Variants in RHOBTB3 observed in about 807,000 individuals in gnomAD.
The protein encoded by RHOBTB3 is rho-related BTB domain-containing protein 3.
Under a neutral mutation model 67.2 loss-of-function variants are expected in RHOBTB3, and 47 were observed. That is an observed-to-expected ratio of 0.70 (90% CI 0.55 to 0.89). The LOEUF is 0.89. RHOBTB3 is among the 40% of genes least tolerant of loss of function. RHOBTB3 has a pLI of 0.00. For synonymous variants in RHOBTB3, 273 were observed against 274.2 expected, an observed-to-expected ratio of 1.00 and a Z score of 0.04; for missense variants, 631 against 750.0, an observed-to-expected ratio of 0.84 and a Z score of 1.85.
intron 6 of RHOBTB3, among the ~76,000 whole-genome samples, chr5:95,762,203 C>T (rs561561575): frequency 2.6e-5 from 4 of 152,298 alleles, no homozygotes; most frequent in Admixed American, 1.3e-4. Flanking sequence ...CTCCCTCCCC[C>T]AGGAGACACT....
chr5:95,722,763 G>A (rs78120789), intron 1 of RHOBTB3, among the ~76,000 whole-genome samples: 2 of 152,168 alleles, frequency 1.3e-5, no homozygotes, highest in Non-Finnish European at 2.9e-5. Context: ...GATTATAGGC[G>A]TGAGCCACTG....
rs1745220382 is a variant in RHOBTB3, at chr5:95,755,585, C to G, written c.872C>G (p.Thr291Ser). ...FMLLFNVKSP[T>S]DIQDSSIIRT... Reference sequence around the variant, plus strand: ...CTGCTTTTCAATGTGAAGAGTCCCACTGACATTCAGGATTCCAGTATCATC... The same window carrying G: ...CTGCTTTTCAATGTGAAGAGTCCCAGTGACATTCAGGATTCCAGTATCATC... Residue 291 changes from threonine to serine, a missense_variant, in exon 6 of 12, where the codon ACT becomes AGT. Thr to Ser is a moderately conservative substitution (Grantham distance 58, BLOSUM62 1). Transcript: ENST00000379982. The G allele has an allele frequency of 6.2e-7, 1 of 1,613,952 alleles. No individual in the cohort carries two copies. Among genetic ancestry groups the G allele is most frequent in the Non-Finnish European group, 8.5e-7 (1 of 1,179,956 alleles).
chr5:95,752,746 T>A (rs1745125731), intron 5 of RHOBTB3, among the ~76,000 whole-genome samples: 1 of 152,196 alleles, frequency 6.6e-6, no homozygotes, highest in Non-Finnish European at 1.5e-5. Flanking sequence ...GACTGGAAAT[T>A]AGATTATATC....
intron 8 of RHOBTB3, among the ~76,000 whole-genome samples, chr5:95,771,986 C>T (rs1312715329): frequency 3.3e-5 from 5 of 152,026 alleles, no homozygotes; most frequent in Non-Finnish European, 7.4e-5. Flanking sequence ...TTATGGAGAT[C>T]GAATCAGTTT....
At chr5:95,754,741 C>T (rs1745193516) in intron 5 of RHOBTB3, among the ~76,000 whole-genome samples, 2 of 152,122 alleles carry the variant, frequency 1.3e-5, no homozygotes, top group African/African-American at 4.8e-5. Flanking sequence ...AATTAGGGAG[C>T]TGAGTTAGCA....
At chr5:95,719,579 C>T in intron 1 of RHOBTB3, 1 of 152,194 alleles carries the variant, frequency 6.6e-6, no homozygotes, top group East Asian at 1.9e-4. Context: ...GTTTTTACAT[C>T]ACTACTTGAT....
At chr5:95,724,948 G>T (rs1755008752) in intron 1 of RHOBTB3, among the ~76,000 whole-genome samples, 1 of 152,042 alleles carries the variant, frequency 6.6e-6, no homozygotes, top group Non-Finnish European at 1.5e-5. Context: ...AGCTACTTGG[G>T]AGGCTGAGGT....
At position 95,783,743 on chromosome 5, in the gene RHOBTB3, C is replaced by G. The variant is rs1746136782; in HGVS notation, c.1457-54C>G. On this transcript the variant is annotated intron_variant, in intron 9 of 11. Transcript: ENST00000379982. The stretch of plus-strand genomic sequence containing the variant: ...TTTTGTTGGTGGGGGGTGTTTAGAT[C>G]ATTAAAGAAATGGTTTCATCATCCA... 18 of 1,495,568 alleles carry G rather than the reference C, an allele frequency of 1.2e-5. No homozygotes were observed. In the South Asian group the frequency reaches 2.1e-4, roughly 17 times the overall value. The allele number at this position is 1,495,568 out of a possible 1,614,324, so 92.6% of individuals were successfully genotyped here. A position where few individuals can be genotyped will look rare whatever the true frequency, so the allele number is the denominator to read the frequency against.
At chr5:95,779,214 GGAGA>G (rs1440237010) in intron 8 of RHOBTB3, among the ~76,000 whole-genome samples, 2 of 152,196 alleles carry the variant, frequency 1.3e-5, no homozygotes, top group African/African-American at 4.8e-5. Flanking sequence ...TGGTTTGGTT[GGAGA>G]GTTACTTCCT....
chr5:95,774,282 A>G (rs1745805562), intron 8 of RHOBTB3, among the ~76,000 whole-genome samples: 1 of 152,236 alleles, frequency 6.6e-6, no homozygotes, highest in Non-Finnish European at 1.5e-5. Context: ...CTATGCCCTA[A>G]TAACAATCAC....
At chr5:95,768,881 C>T (rs1179474203) in intron 8 of RHOBTB3, 1 of 158,912 alleles carries the variant, frequency 6.3e-6, no homozygotes, top group East Asian at 1.9e-4. Flanking sequence ...AAGGTGCCAC[C>T]AGGTGGGGGA....
rs1407503217 is a variant in RHOBTB3 at position 95,732,066 on chromosome 5, C to A, written c.210C>A (p.Val70=). 1.9e-6 allele frequency: 3 copies of A among 1,614,042 alleles called. No homozygotes were observed. Among genetic ancestry groups the A allele is most frequent in the Non-Finnish European group, 2.5e-6 (3 of 1,179,996 alleles). Residue 70 remains valine (V), a synonymous_variant, in exon 2 of 12, where the codon GTC becomes GTA. Transcript: ENST00000379982. Reference sequence around the variant, plus strand: ...CGTTTGGGAATGTCAAGCTGGTGGTCCACGACTGTCCCGTCTGGGTAAGGA... The same window carrying A: ...CGTTTGGGAATGTCAAGCTGGTGGTACACGACTGTCCCGTCTGGGTAAGGA... The part of the protein sequence containing the change: ...ASAFGNVKLV[V]HDCPVWDIFD...
intron 8 of RHOBTB3, among the ~76,000 whole-genome samples, chr5:95,778,205 T>C (rs1745947727): frequency 6.6e-6 from 1 of 152,006 alleles, no homozygotes; most frequent in African/African-American, 2.4e-5. Context: ...TCCGCTACGC[T>C]CAAGTTCGTG....
chr5:95,732,123 G>T (rs746567955), intron 2 of RHOBTB3, 39 bp downstream of exon 2: 1 of 1,592,378 alleles, frequency 6.3e-7, no homozygotes. Flanking sequence ...GGCTGAAGAA[G>T]CTTTTCTTTC....
chr5:95,741,384 G>A (rs895406129), intron 3 of RHOBTB3, among the ~76,000 whole-genome samples: 2 of 150,732 alleles, frequency 1.3e-5, no homozygotes, highest in African/African-American at 4.9e-5. Flanking sequence ...TCATTTCCCC[G>A]GTTGTTTCCT....
Position 95,790,597 on chromosome 5 carries a change from G to A in RHOBTB3, c.1720+1739G>A, listed in dbSNP as rs148895495. 3.9e-3 allele frequency among the ~76,000 whole-genome samples: 589 copies of A among 152,300 alleles called. 6 individuals are homozygous for A. The highest frequency in any genetic ancestry group is 0.013 in the African/African-American group (549 of 41,562). On this transcript the variant is annotated intron_variant, in intron 11 of 11. Coordinates refer to ENST00000379982, the MANE Select transcript of RHOBTB3 (RefSeq NM_014899.4). ...AGCAGGACTTCCAGTGCGATGTGAG[G>A]TGGCAGGCTAAGGAGGAAACGATGT... is the stretch of plus-strand genomic sequence containing the variant.
In RHOBTB3 at chr5:95,767,704, T is replaced by G. The variant is rs1019300748; in HGVS notation, c.1162-342T>G. ...AAATTAGGTTGTACATGTAAACATA[T>G]TTTAGTAGGCATTTGTATGGAGTTG... On this transcript the variant is annotated intron_variant, in intron 7 of 11. Transcript: ENST00000379982. 7 of 632,532 alleles carry G rather than the reference T, an allele frequency of 1.1e-5. No homozygotes were observed. The African/African-American group carries it at 1.3e-4, about 12-fold the overall frequency. 39.2% of individuals were successfully genotyped at this position (632,532 alleles called of 1,614,324 possible).
upstream of RHOBTB3, among the ~76,000 whole-genome samples, chr5:95,728,434 AATCT>A (rs1438930827): frequency 5.9e-5 from 9 of 152,190 alleles, no homozygotes; most frequent in Admixed American, 2.0e-4. Context: ...ACAAATTCTT[AATCT>A]ATTAAGACCT....
intron 8 of RHOBTB3, among the ~76,000 whole-genome samples, chr5:95,771,727 C>T (rs1355762231): frequency 6.6e-6 from 1 of 152,142 alleles, no homozygotes; most frequent in African/African-American, 2.4e-5. Flanking sequence ...GATAAAGCTC[C>T]TGGTGATTAC....
Sources: allele counts gnomAD v4.1 joint callset (sites outside exome capture counted in the v4.1 genomes callset), GRCh38; gene constraint gnomAD v4.1.1; transcripts MANE v1.5; gene names NCBI Gene and HGNC (gene_info 2026-07-23, HGNC 2026-07-21).